The following SKI variants were observed in gnomAD, a reference collection of about 807,000 sequenced individuals.
SKI encodes SKI proto-oncogene, also known as ski oncogene.
In SKI, 23 loss-of-function variants were observed where a neutral mutation model predicts 59.3. That is an observed-to-expected ratio of 0.39 (90% CI 0.28 to 0.55). The LOEUF is 0.55. SKI is among the 20% of genes least tolerant of loss of function. SKI has a pLI of 0.67. For missense variants in SKI, 1,017 were observed against 1,038.9 expected (o/e 0.98, Z 0.29); for synonymous variants, 673 against 488.6 (o/e 1.38, Z -4.98).
intron 1 of SKI, among the ~76,000 whole-genome samples, chr1:2,290,964 C>T (rs1438317709): frequency 6.6e-6 from 1 of 152,246 alleles, no homozygotes; most frequent in Non-Finnish European, 1.5e-5. Context: ...GCCTGTTTGT[C>T]TCCCTCAATC....
At position 2,308,434 on chromosome 1, in the gene SKI, G is replaced by A. The variant is rs1440810922; in HGVS notation, c.*1669G>A. The A allele has an allele frequency of 1.3e-5, 2 of 152,192 alleles. No homozygotes were observed. The highest frequency in any genetic ancestry group is 4.8e-5 in the African/African-American group (2 of 41,442). The allele number at this position is 152,192 out of a possible 1,614,324, so 9.4% of individuals were successfully genotyped here. A position where few individuals can be genotyped will look rare whatever the true frequency, so the allele number is the denominator to read the frequency against. On this transcript the variant is annotated 3_prime_UTR_variant, in exon 7 of 7. Transcript: ENST00000378536. ...GGGACATCATGTATATGCAGCGTTT[G>A]TTTGGAATTTTCTTTGCTTTTGTTT...
intron 1 of SKI, among the ~76,000 whole-genome samples, chr1:2,233,360 T>G (rs965588664): frequency 7.2e-5 from 11 of 152,114 alleles, no homozygotes; most frequent in African/African-American, 2.7e-4. Flanking sequence ...GCTGCCTGTG[T>G]GAGAGCTGTT....
At chr1:2,275,982 G>A (rs1639734285) in intron 1 of SKI, among the ~76,000 whole-genome samples, 1 of 152,182 alleles carries the variant, frequency 6.6e-6, no homozygotes, top group Non-Finnish European at 1.5e-5. Context: ...AGGGAAATCA[G>A]GCTGGTCCTG....
At chr1:2,252,321 T>G (rs566197213) in intron 1 of SKI, among the ~76,000 whole-genome samples, 1 of 152,238 alleles carries the variant, frequency 6.6e-6, no homozygotes, top group Non-Finnish European at 1.5e-5. Context: ...CTGGCTCGAT[T>G]GAGAATCCCC....
rs778180778 is a variant in SKI, at chr1:2,228,871, G to T, written c.105G>T (p.Pro35=). 7.0e-7 allele frequency: 1 copy of T among 1,429,228 alleles called. No homozygotes were observed. The highest frequency in any genetic ancestry group is 2.4e-5 in the Admixed American group (1 of 41,460). 88.5% of individuals were successfully genotyped at this position (1,429,228 alleles called of 1,614,324 possible). The stretch of plus-strand genomic sequence containing the variant: ...GCTCCATGAGCTCGCTGGGCGGCCC[G>T]GCCGCTTTCTCGGCGCGCTGGGCGC... ...HLSSMSSLGG[P]AAFSARWAQE... is the part of the protein sequence containing the mutation. The change falls in exon 1 of 7, where the codon CCG becomes CCT. Residue 35 remains proline, a synonymous_variant. Transcript: ENST00000378536.
At chr1:2,271,227 C>T (rs1477088185) in intron 1 of SKI, among the ~76,000 whole-genome samples, 1 of 152,160 alleles carries the variant, frequency 6.6e-6, no homozygotes, top group Non-Finnish European at 1.5e-5. Flanking sequence ...CAGGCCCTGC[C>T]ACATCCTCCC....
chr1:2,293,860 C>T (rs1418110909), intron 1 of SKI, among the ~76,000 whole-genome samples: 3 of 152,208 alleles, frequency 2.0e-5, no homozygotes, highest in African/African-American at 4.8e-5. Flanking sequence ...TGCAGGTTCC[C>T]GGAATCTGTC....
chr1:2,306,851 C>G lies in SKI; in HGVS notation c.*86C>G, dbSNP rs1184818810. 2 of 916,804 alleles carry G rather than the reference C, an allele frequency of 2.2e-6. No individual in the cohort carries two copies. The highest frequency in any genetic ancestry group is 2.4e-5 in the South Asian group (1 of 41,352). 56.8% of individuals were successfully genotyped at this position (916,804 alleles called of 1,614,324 possible). On this transcript the variant is annotated 3_prime_UTR_variant, in exon 7 of 7. Coordinates refer to ENST00000378536, the MANE Select transcript of SKI (RefSeq NM_003036.4). ...GGTGCAGCTCCGCCCGGCTCCGCCCCTGCAGCCCACACAGCACAACGTCTT... is the reference window on the plus strand; with the variant it reads ...GGTGCAGCTCCGCCCGGCTCCGCCCGTGCAGCCCACACAGCACAACGTCTT...
rs936972556 is a variant in SKI, at chr1:2,244,536, C to T, written c.969+14801C>T. Among the ~76,000 whole-genome samples, 5 of 152,198 alleles carry T rather than the reference C, an allele frequency of 3.3e-5. No homozygotes were observed. The South Asian group carries it at 8.3e-4, about 25-fold the overall frequency. The stretch of plus-strand genomic sequence containing the variant: ...TGAAGGTTGCAGTGAGCTGAGATGG[C>T]GCCATTGTACTACAGCCTGGGTGAC... On this transcript the variant is annotated intron_variant, in intron 1 of 6. Transcript: ENST00000378536.
intron 1 of SKI, among the ~76,000 whole-genome samples, chr1:2,273,024 G>A (rs1639659880): frequency 6.6e-6 from 1 of 152,218 alleles, no homozygotes; most frequent in Non-Finnish European, 1.5e-5. Flanking sequence ...GCTGTACCCC[G>A]CCTCCATGGA....
At chr1:2,263,953 A>T (rs1408246829) in intron 1 of SKI, among the ~76,000 whole-genome samples, 2 of 151,502 alleles carry the variant, frequency 1.3e-5, no homozygotes, top group Non-Finnish European at 2.9e-5. Flanking sequence ...AGGCAGGAGG[A>T]TCCCTTAAGC....
At chr1:2,280,361 G>A (rs1639845946) in intron 1 of SKI, among the ~76,000 whole-genome samples, 4 of 148,630 alleles carry the variant, frequency 2.7e-5, no homozygotes, top group African/African-American at 1.0e-4. Flanking sequence ...GAGTGACAGA[G>A]CAAGCGTCTG....
In SKI at chr1:2,229,247, C is replaced by T. The variant is rs770970008; in HGVS notation, c.481C>T (p.Leu161Phe). The T allele has an allele frequency of 1.9e-6, 3 of 1,603,664 alleles. No individual in the cohort carries two copies. The highest frequency in any genetic ancestry group is 2.6e-6 in the Non-Finnish European group (3 of 1,175,732). Residue 161 changes from leucine to phenylalanine, a missense_variant, in exon 1 of 7, where the codon CTC (leucine) becomes TTC (phenylalanine). Coordinates refer to ENST00000378536, the MANE Select transcript of SKI (RefSeq NM_003036.4). The surrounding 1 kb of genome is among the most constrained non-coding windows in gnomAD (Gnocchi z 6.3). ...SRCTADQLEI[L>F]KVMGILPFSA... ...CTGCACGGCCGACCAGCTGGAGATCCTCAAAGTCATGGGCATCCTGCCCTT... is the reference window on the plus strand; with the variant it reads ...CTGCACGGCCGACCAGCTGGAGATCTTCAAAGTCATGGGCATCCTGCCCTT...
At chr1:2,233,730 A>G (rs994228845) in intron 1 of SKI, among the ~76,000 whole-genome samples, 1 of 152,074 alleles carries the variant, frequency 6.6e-6, no homozygotes, top group East Asian at 1.9e-4. Flanking sequence ...GTTCTGGGGA[A>G]TGACTGAGCT....
At chr1:2,230,098 A>T (rs1638599831) in intron 1 of SKI, among the ~76,000 whole-genome samples, 1 of 152,182 alleles carries the variant, frequency 6.6e-6, no homozygotes, top group Non-Finnish European at 1.5e-5. Flanking sequence ...AGTTAGGTCC[A>T]GCTGGGCCAC....
intron 1 of SKI, among the ~76,000 whole-genome samples, chr1:2,272,288 G>C (rs1378638665): frequency 1.3e-5 from 2 of 152,236 alleles, no homozygotes; most frequent in Non-Finnish European, 2.9e-5. Context: ...GCTTAAAAAT[G>C]GTGTTAAAAA....
At chr1:2,243,335 C>T (rs1329821499) in intron 1 of SKI, among the ~76,000 whole-genome samples, 1 of 152,266 alleles carries the variant, frequency 6.6e-6, no homozygotes, top group African/African-American at 2.4e-5. Flanking sequence ...CCGCCCTGCC[C>T]TCTCGTGCTC....
intron 1 of SKI, among the ~76,000 whole-genome samples, chr1:2,255,444 G>C (rs978672102): frequency 6.6e-6 from 1 of 151,798 alleles, no homozygotes; most frequent in African/African-American, 2.4e-5. Context: ...CCTGTCTGGA[G>C]CACACTGTCC....
At chr1:2,298,295 C>T (rs1346500117) in intron 1 of SKI, among the ~76,000 whole-genome samples, 1 of 152,194 alleles carries the variant, frequency 6.6e-6, no homozygotes, top group East Asian at 1.9e-4. Context: ...TGCTGGGCTG[C>T]AAGTTGAACA....
Sources: gnomAD v4.1 joint callset for allele counts (sites outside exome capture counted in the v4.1 genomes callset) on GRCh38, gnomAD v4.1.1 for gene constraint, Gnocchi (gnomAD v3.1) non-coding constraint, MANE v1.5 for transcripts, NCBI Gene and HGNC (gene_info 2026-07-23, HGNC 2026-07-21) for gene names.